Variants in VWA3B observed in about 807,000 individuals in gnomAD.
VWA3B encodes von Willebrand factor A domain containing 3B, also known as von Willebrand factor A domain-containing protein 3B.
Under a neutral mutation model 158.3 loss-of-function variants are expected in VWA3B, and 138 were observed. That is an observed-to-expected ratio of 0.87 (90% CI 0.76 to 1.00). The LOEUF is 1.00. Among genes scored for constraint, VWA3B ranks in the 50% least tolerant of loss-of-function variants. The probability of loss-of-function intolerance (pLI) is 0.00; values close to 1 mark genes in which losing one functional copy is unlikely to be tolerated. For synonymous variants in VWA3B, 596 were observed against 587.3 expected (o/e 1.01, Z -0.21); for missense variants, 1,555 against 1,565.1 (o/e 0.99, Z 0.11).
At chr2:98,288,615 CAT>C (rs1304491886) in intron 22 of VWA3B, among the ~76,000 whole-genome samples, 2 of 152,146 alleles carry the variant, frequency 1.3e-5, no homozygotes, top group African/African-American at 4.8e-5. Flanking sequence ...TATCAAAGTA[CAT>C]GTTTCATATA....
At chr2:98,302,544 T>C (rs542455733) in intron 25 of VWA3B, among the ~76,000 whole-genome samples, 1 of 152,338 alleles carries the variant, frequency 6.6e-6, no homozygotes, top group East Asian at 1.9e-4. Context: ...CAGTGGCTCT[T>C]TCTTAGGACC....
At chr2:98,320,846 C>T in the VWA3B span, among the ~76,000 whole-genome samples, 1 of 152,166 alleles carries the variant, frequency 6.6e-6, no homozygotes. Flanking sequence ...AAATTCCAGC[C>T]AACTGCAGAA....
At position 98,311,819 on chromosome 2, in the gene VWA3B, A is replaced by G; in HGVS notation, c.3522A>G (p.Val1174=). The change falls in exon 27 of 28, where the codon GTA becomes GTG. Residue 1174 remains valine (V), a splice_region_variant and synonymous_variant. Transcript: ENST00000477737. ...AACCCTGATCTCTCTCTGTCTCTAGAGAGGATGTGGAGGCGAGGAACTCTG... is the reference window on the plus strand; with the variant it reads ...AACCCTGATCTCTCTCTGTCTCTAGGGAGGATGTGGAGGCGAGGAACTCTG... ...KSPPIPEDPE[V]EDVEARNSAF... 1 of 1,600,324 alleles carries G rather than the reference A, an allele frequency of 6.2e-7. No homozygotes were observed. The highest frequency in any genetic ancestry group is 8.5e-7 in the Non-Finnish European group (1 of 1,173,584).
At chr2:98,216,984 C>CCCCCCCCT in intron 13 of VWA3B, 1 of 1,239,952 alleles carries the variant, frequency 8.1e-7, no homozygotes, top group Non-Finnish European at 1.0e-6. Flanking sequence ...TTGTAAGCAC[C>CCCCCCCCT]CGCCCCGCAC....
rs1690245543 is a variant in VWA3B, at chr2:98,302,250, T to C, written c.3421-1452T>C. On this transcript the variant is annotated intron_variant, in intron 25 of 27. Coordinates refer to ENST00000477737, the MANE Select transcript of VWA3B (RefSeq NM_144992.5). The stretch of plus-strand genomic sequence containing the variant: ...CGTCACCCTAAAGACTCTGCCTGAT[T>C]GTGACTTCCTGCAGGCCCTCAGGTT... 2.0e-5 allele frequency among the ~76,000 whole-genome samples: 3 copies of C among 152,286 alleles called. 1 individual carries two copies. The South Asian group carries it at 6.2e-4, about 32-fold the overall frequency.
At chr2:98,116,266 T>C (rs985226711) in intron 3 of VWA3B, among the ~76,000 whole-genome samples, 4 of 152,238 alleles carry the variant, frequency 2.6e-5, no homozygotes, top group African/African-American at 9.6e-5. Context: ...CGTCCATTTA[T>C]GGATATTTGT....
chr2:98,123,390 AG>A (rs1675117032), intron 5 of VWA3B, among the ~76,000 whole-genome samples: 1 of 152,180 alleles, frequency 6.6e-6, no homozygotes, highest in Non-Finnish European at 1.5e-5. Flanking sequence ...AGCCCACATG[AG>A]GAGTAGGGCT....
At chr2:98,206,982 T>G (rs1344728676) in intron 12 of VWA3B, 1 of 486,054 alleles carries the variant, frequency 2.1e-6, no homozygotes, top group Non-Finnish European at 4.1e-6. Context: ...ATGCTACTCA[T>G]GCCCAGGTAG....
At chr2:98,102,587 C>G (rs1161020321) in intron 2 of VWA3B, among the ~76,000 whole-genome samples, 1 of 152,190 alleles carries the variant, frequency 6.6e-6, no homozygotes, top group African/African-American at 2.4e-5. Context: ...TTCAAATAAA[C>G]CTAATTCAGT....
intron 19 of VWA3B, among the ~76,000 whole-genome samples, chr2:98,249,845 C>T (rs958511453): frequency 3.9e-5 from 6 of 151,904 alleles, no homozygotes; most frequent in Admixed American, 2.6e-4. Flanking sequence ...TAAGAGAAAT[C>T]GTCAAAATAT....
At chr2:98,120,310 GAA>G (rs1478615102) in intron 4 of VWA3B, among the ~76,000 whole-genome samples, 1 of 152,190 alleles carries the variant, frequency 6.6e-6, no homozygotes, top group Non-Finnish European at 1.5e-5. Flanking sequence ...TTCTCATCTG[GAA>G]AAGTTATTGC....
the VWA3B span, among the ~76,000 whole-genome samples, chr2:98,330,241 C>G: frequency 6.6e-6 from 1 of 152,142 alleles, no homozygotes; most frequent in Non-Finnish European, 1.5e-5. Context: ...CAAGGGGAAG[C>G]TCAGGTCTAA....
At chr2:98,318,835 A>G in the VWA3B span, among the ~76,000 whole-genome samples, 2 of 152,224 alleles carry the variant, frequency 1.3e-5, no homozygotes, top group South Asian at 4.1e-4. Context: ...CAGTCTATCT[A>G]CCTATCTATA....
chr2:98,159,691 C>G (rs1437128007), intron 7 of VWA3B, among the ~76,000 whole-genome samples: 1 of 152,054 alleles, frequency 6.6e-6, no homozygotes. Context: ...GTCAGGCAGA[C>G]CTTAGTTGGC....
chr2:98,127,807 A>G (rs1675502030), intron 5 of VWA3B, among the ~76,000 whole-genome samples: 1 of 152,088 alleles, frequency 6.6e-6, no homozygotes, highest in African/African-American at 2.4e-5. Flanking sequence ...CCTCCTTTCC[A>G]CATTCTGCCT....
chr2:98,190,619 G>T (rs1346168223), intron 10 of VWA3B, among the ~76,000 whole-genome samples: 1 of 152,106 alleles, frequency 6.6e-6, no homozygotes, highest in Admixed American at 6.6e-5. Context: ...CGAATGATGT[G>T]TTGGCTAAGC....
the VWA3B span, among the ~76,000 whole-genome samples, chr2:98,325,352 G>A: frequency 2.0e-4 from 30 of 152,276 alleles, no homozygotes; most frequent in Admixed American, 1.6e-3. Flanking sequence ...CTATAAAGGC[G>A]ATGCCCCTGC....
intron 2 of VWA3B, among the ~76,000 whole-genome samples, chr2:98,095,768 C>T (rs1175973167): frequency 6.6e-6 from 1 of 152,062 alleles, no homozygotes; most frequent in African/African-American, 2.4e-5. Context: ...TCATATATGG[C>T]CTTTACTGTG....
chr2:98,197,493 C>T (rs775463072), intron 12 of VWA3B, among the ~76,000 whole-genome samples: 3 of 152,146 alleles, frequency 2.0e-5, no homozygotes, highest in Non-Finnish European at 4.4e-5. Flanking sequence ...TGTGGATCAT[C>T]CTTACAACAA....
Sources: gnomAD v4.1 joint callset for allele counts (sites outside exome capture counted in the v4.1 genomes callset) on GRCh38, gnomAD v4.1.1 for gene constraint, MANE v1.5 for transcripts, NCBI Gene and HGNC (gene_info 2026-07-23, HGNC 2026-07-21) for gene names.